NUP160: variants seen among roughly 807,000 people sequenced by gnomAD.
NUP160 encodes nuclear pore complex protein Nup160.
Under a neutral mutation model 196.9 loss-of-function variants are expected in NUP160, and 94 were observed. The observed-to-expected ratio is 0.48, with a 90% CI of 0.40 to 0.57. NUP160 has a LOEUF of 0.57. Among genes scored for constraint, NUP160 ranks in the 20% least tolerant of loss-of-function variants. The pLI is 0.00. For missense variants in NUP160, 1,638 were observed against 1,748.3 expected (o/e 0.94, Z 1.13); for synonymous variants, 605 against 619.7 (o/e 0.98, Z 0.35).
chr11:47,807,492 G>A (rs999666017), intron 18 of NUP160, among the ~76,000 whole-genome samples: 3 of 151,596 alleles, frequency 2.0e-5, no homozygotes, highest in Non-Finnish European at 4.4e-5. Context: ...ATGGTGAAAC[G>A]CCACCTCTAC....
At chr11:47,836,815 G>A (rs1022199083) in intron 6 of NUP160, 72 bp downstream of exon 6, 1 of 923,398 alleles carries the variant, frequency 1.1e-6, no homozygotes, top group Non-Finnish European at 1.7e-6. Flanking sequence ...TAGAGAAACA[G>A]CAAAATTTAC....
chr11:47,824,190 TCAA>T (rs978715255), intron 7 of NUP160, among the ~76,000 whole-genome samples: 4 of 151,672 alleles, frequency 2.6e-5, no homozygotes, highest in Admixed American at 1.3e-4. Flanking sequence ...TTCTGATTTC[TCAA>T]CAACAACAAA....
intron 26 of NUP160, 21 bp from the exon 27 acceptor site, chr11:47,797,905 A>G (rs1363450085): frequency 6.9e-6 from 11 of 1,590,584 alleles, no homozygotes; most frequent in South Asian, 1.1e-5. Context: ...GGAAGCAATC[A>G]GATAACTAAG....
intron 7 of NUP160, among the ~76,000 whole-genome samples, chr11:47,823,725 C>T (rs1163561198): frequency 2.0e-5 from 3 of 151,662 alleles, no homozygotes; most frequent in Admixed American, 6.6e-5. Flanking sequence ...TTAGTAGAGT[C>T]GGGGTTTCAC....
chr11:47,783,727 A>G (rs1325710116), intron 33 of NUP160, among the ~76,000 whole-genome samples: 1 of 151,674 alleles, frequency 6.6e-6, no homozygotes, highest in Non-Finnish European at 1.5e-5. Flanking sequence ...CTACTTTCCT[A>G]TTTATTTATT....
At chr11:47,782,954 C>T (rs1231014841) in intron 34 of NUP160, 119 bp downstream of exon 34, 27 of 877,308 alleles carry the variant, frequency 3.1e-5, no homozygotes, top group Non-Finnish European at 3.9e-5. Context: ...TCACTGTGCC[C>T]GGCCATCAGT....
intron 27 of NUP160, among the ~76,000 whole-genome samples, chr11:47,797,405 A>T (rs956455590): frequency 6.6e-6 from 1 of 151,532 alleles, no homozygotes; most frequent in Admixed American, 6.6e-5. Flanking sequence ...CATATGGCTA[A>T]TTTTTGTATT....
intron 6 of NUP160, 69 bp downstream of exon 6, chr11:47,836,818 A>G (rs1441516906): frequency 1.0e-6 from 1 of 973,532 alleles, no homozygotes; most frequent in East Asian, 2.4e-5. Flanking sequence ...AGAAACAGCA[A>G]AATTTACTTC....
intron 20 of NUP160, 54 bp from the exon 21 acceptor site, chr11:47,804,672 T>C (rs2097676425): frequency 2.5e-6 from 3 of 1,177,918 alleles, no homozygotes; most frequent in Admixed American, 2.9e-5. Context: ...CTTAAACATA[T>C]ACATTGGGCA....
intron 7 of NUP160, among the ~76,000 whole-genome samples, chr11:47,823,541 T>G (rs1235399011): frequency 6.6e-6 from 1 of 152,114 alleles, no homozygotes; most frequent in Non-Finnish European, 1.5e-5. Flanking sequence ...CCTTCCTTTT[T>G]TCTTTTTTTT....
intron 34 of NUP160, among the ~76,000 whole-genome samples, chr11:47,782,652 A>G (rs866446253): frequency 2.0e-5 from 3 of 151,370 alleles, no homozygotes; most frequent in South Asian, 4.2e-4. Flanking sequence ...TTATTTATTT[A>G]TTATTTATTT....
At chr11:47,837,514 C>A (rs1355448743) in intron 5 of NUP160, 31 bp downstream of exon 5, 3 of 1,563,574 alleles carry the variant, frequency 1.9e-6, no homozygotes, top group Non-Finnish European at 2.6e-6. Context: ...AATTCTTGGG[C>A]CCTTTGATTT....
intron 33 of NUP160, among the ~76,000 whole-genome samples, chr11:47,783,653 T>C (rs1484230129): frequency 6.6e-6 from 1 of 152,222 alleles, no homozygotes; most frequent in Non-Finnish European, 1.5e-5. Context: ...GCTCTATTAA[T>C]TAAGCATGCT....
chr11:47,827,190 C>G, intron 7 of NUP160: 1 of 455,052 alleles, frequency 2.2e-6, no homozygotes, highest in Non-Finnish European at 4.4e-6. Flanking sequence ...GGCGAAACCC[C>G]GTCTCTACCA....
intron 34 of NUP160, among the ~76,000 whole-genome samples, chr11:47,782,765 TCTC>T (rs1455986909): frequency 1.3e-5 from 2 of 152,120 alleles, no homozygotes; most frequent in African/African-American, 4.8e-5. Flanking sequence ...TTCAAGCGAT[TCTC>T]CTGCCTCAGC....
At chr11:47,794,606 T>C (rs1274338714) in intron 27 of NUP160, among the ~76,000 whole-genome samples, 1 of 151,902 alleles carries the variant, frequency 6.6e-6, no homozygotes, top group Non-Finnish European at 1.5e-5. Context: ...TCGTCTCTAC[T>C]AAAAATACAA....
upstream of NUP160, chr11:47,848,476 T>C: frequency 7.3e-7 from 1 of 1,362,680 alleles, no homozygotes; most frequent in Admixed American, 2.4e-5. Flanking sequence ...ACCGGGAGAA[T>C]GAGGGTGGGC....
chr11:47,780,864 G>A (rs2097660360), intron 34 of NUP160, among the ~76,000 whole-genome samples: 1 of 152,116 alleles, frequency 6.6e-6, no homozygotes, highest in Non-Finnish European at 1.5e-5. Context: ...AAGAAACTGT[G>A]TGTATACATG....
intron 18 of NUP160, among the ~76,000 whole-genome samples, chr11:47,807,718 A>C (rs778439243): frequency 3.3e-5 from 5 of 152,154 alleles, no homozygotes; most frequent in South Asian, 2.1e-4. Context: ...GGCTATAAAG[A>C]AGCTCAGCCT....
Sources: allele counts gnomAD v4.1 joint callset (sites outside exome capture counted in the v4.1 genomes callset), GRCh38; gene constraint gnomAD v4.1.1; transcripts MANE v1.5; gene names NCBI Gene and HGNC (gene_info 2026-07-23, HGNC 2026-07-21).